Variants in MND1 observed in about 807,000 individuals in gnomAD.
The protein encoded by MND1 is meiotic nuclear division protein 1 homolog.
MND1 carries 28 observed loss-of-function variants against 35.1 expected under a neutral mutation model. The observed-to-expected ratio is 0.80, with a 90% CI of 0.59 to 1.09. The LOEUF (loss-of-function observed/expected upper bound fraction) is 1.09. MND1 is among the 50% of genes least tolerant of loss of function. The pLI is 0.00. For missense variants in MND1, 213 were observed against 239.6 expected (o/e 0.89, Z 0.73); for synonymous variants, 69 against 70.5 (o/e 0.98, Z 0.11).
chr4:153,357,528 A>G (rs749025166), intron 3 of MND1, among the ~76,000 whole-genome samples: 1 of 152,140 alleles, frequency 6.6e-6, no homozygotes, highest in Non-Finnish European at 1.5e-5. Flanking sequence ...AAAGTTCTTC[A>G]TCCTTGTCAT....
At chr4:153,378,076 A>C (rs934097504) in intron 4 of MND1, among the ~76,000 whole-genome samples, 1 of 152,220 alleles carries the variant, frequency 6.6e-6, no homozygotes, top group African/African-American at 2.4e-5. Context: ...TCTCTGAGAC[A>C]CACTGAAACA....
At chr4:153,379,151 G>T (rs925954904) in intron 4 of MND1, among the ~76,000 whole-genome samples, 3 of 151,684 alleles carry the variant, frequency 2.0e-5, no homozygotes, top group Non-Finnish European at 4.4e-5. Flanking sequence ...TTAGCTGGGC[G>T]TGGTTGCAGG....
intron 2 of MND1, among the ~76,000 whole-genome samples, chr4:153,351,627 A>G (rs1773219528): frequency 6.6e-6 from 1 of 152,240 alleles, no homozygotes; most frequent in Admixed American, 6.5e-5. Flanking sequence ...AATCGCCAAT[A>G]ATGGTGCAAA....
At chr4:153,346,621 A>G (rs1030112287) in intron 1 of MND1, among the ~76,000 whole-genome samples, 1 of 152,210 alleles carries the variant, frequency 6.6e-6, no homozygotes, top group Non-Finnish European at 1.5e-5. Context: ...ATTTCTAGTC[A>G]TGAAAGAGAC....
intron 4 of MND1, among the ~76,000 whole-genome samples, chr4:153,365,327 TGATA>T (rs1773607590): frequency 6.6e-6 from 1 of 152,110 alleles, no homozygotes; most frequent in Non-Finnish European, 1.5e-5. Flanking sequence ...CTTGCTCCCA[TGATA>T]GATAACTCAT....
intron 2 of MND1, among the ~76,000 whole-genome samples, chr4:153,353,692 A>G (rs190080524): frequency 6.6e-6 from 1 of 150,960 alleles, no homozygotes; most frequent in Non-Finnish European, 1.5e-5. Flanking sequence ...CTGTATCCCA[A>G]TTTTTTCATA....
intron 5 of MND1, among the ~76,000 whole-genome samples, chr4:153,396,347 CAAATG>C: frequency 6.6e-6 from 1 of 152,176 alleles, no homozygotes; most frequent in South Asian, 2.1e-4. Flanking sequence ...GTCTCTTGTA[CAAATG>C]CTAGCAAAGG....
At chr4:153,355,560 A>T in intron 2 of MND1, 94 bp from the exon 3 acceptor site, 2 of 723,306 alleles carry the variant, frequency 2.8e-6, no homozygotes, top group African/African-American at 1.8e-5. Flanking sequence ...GTATACAACT[A>T]TTATGTACCC....
At position 153,414,835 on chromosome 4, in the gene MND1, A is replaced by G; in HGVS notation, c.596A>G (p.Glu199Gly). ...NKIDRTFGIP[E>G]DFDYID ...ATTGATAGAACTTTTGGAATTCCAG[A>G]AGACTTTGACTACATAGACTAAAAT... Residue 199 changes from glutamate to glycine, a missense_variant, in exon 8 of 8, where the codon GAA (glutamate) becomes GGA (glycine). Glu to Gly is a moderately conservative substitution (Grantham distance 98). Coordinates refer to ENST00000240488, the MANE Select transcript of MND1 (RefSeq NM_032117.4). 3 of 1,535,022 alleles carry G rather than the reference A, an allele frequency of 2.0e-6. No individual in the cohort carries two copies. Among genetic ancestry groups the G allele is most frequent in the Non-Finnish European group, 2.7e-6 (3 of 1,127,040 alleles).
At chr4:153,393,067 C>A (rs1243872770) in intron 4 of MND1, among the ~76,000 whole-genome samples, 1 of 151,966 alleles carries the variant, frequency 6.6e-6, no homozygotes, top group South Asian at 2.1e-4. Context: ...TGTAGGGAGT[C>A]ATGATCGTGA....
chr4:153,413,335 T>C (rs1297344516), intron 7 of MND1, among the ~76,000 whole-genome samples: 1 of 152,168 alleles, frequency 6.6e-6, no homozygotes, highest in Non-Finnish European at 1.5e-5. Context: ...GTGAGTGTAA[T>C]ACATTTTCAT....
At chr4:153,379,849 CAAAAAAAAAAAAAAAAA>C (rs34034237) in intron 4 of MND1, among the ~76,000 whole-genome samples, 1 of 62,488 alleles carries the variant, frequency 1.6e-5, no homozygotes, top group Non-Finnish European at 3.1e-5. Flanking sequence ...GACTCCATCT[CAAAAAAAAAAAAAAAAA>C]AAAAAAAAAA....
intron 4 of MND1, among the ~76,000 whole-genome samples, chr4:153,367,306 T>C (rs1301827658): frequency 6.6e-6 from 1 of 152,206 alleles, no homozygotes; most frequent in Non-Finnish European, 1.5e-5. Context: ...CTGAATCTTC[T>C]CAGCCCACTC....
At chr4:153,405,241 A>G (rs1729461928) in intron 6 of MND1, among the ~76,000 whole-genome samples, 1 of 152,128 alleles carries the variant, frequency 6.6e-6, no homozygotes, top group East Asian at 1.9e-4. Flanking sequence ...AACTCGCTAC[A>G]AGGCTGCAGT....
At chr4:153,389,381 G>C (rs1255894113) in intron 4 of MND1, among the ~76,000 whole-genome samples, 2 of 151,818 alleles carry the variant, frequency 1.3e-5, no homozygotes, top group Non-Finnish European at 2.9e-5. Flanking sequence ...TTATATTTTA[G>C]ATGAAGTCTT....
At chr4:153,367,611 C>A (rs575515421) in intron 4 of MND1, among the ~76,000 whole-genome samples, 2 of 152,208 alleles carry the variant, frequency 1.3e-5, no homozygotes, top group South Asian at 4.2e-4. Flanking sequence ...GAGTTTTTTC[C>A]ACTTTTTGAC....
intron 7 of MND1, among the ~76,000 whole-genome samples, chr4:153,412,744 C>T (rs1729720230): frequency 6.6e-6 from 1 of 151,718 alleles, no homozygotes; most frequent in Non-Finnish European, 1.5e-5. Flanking sequence ...TGCCTCGGCC[C>T]CACAAAGTGC....
intron 6 of MND1, among the ~76,000 whole-genome samples, chr4:153,401,025 T>C (rs1161703952): frequency 1.3e-5 from 2 of 152,150 alleles, no homozygotes; most frequent in Non-Finnish European, 2.9e-5. Flanking sequence ...AGATTAAATT[T>C]TGCAGAAGAA....
At chr4:153,355,548 A>G (rs1228082554) in intron 2 of MND1, 106 bp from the exon 3 acceptor site, 5 of 674,364 alleles carry the variant, frequency 7.4e-6, no homozygotes, top group Non-Finnish European at 1.1e-5. Context: ...TACCCTGTAA[A>G]TGTATACAAC....
Sources: allele counts gnomAD v4.1 joint callset (sites outside exome capture counted in the v4.1 genomes callset), GRCh38; gene constraint gnomAD v4.1.1; transcripts MANE v1.5; gene names NCBI Gene and HGNC (gene_info 2026-07-23, HGNC 2026-07-21).